The following RARB variants were observed in gnomAD, a reference collection of about 807,000 sequenced individuals.
RARB encodes HBV-activated protein.
A neutral mutation model predicts 51.9 loss-of-function variants in RARB; 17 were observed. The ratio of observed to expected loss-of-function variants is 0.33; its 90% confidence interval spans 0.22 to 0.49. The LOEUF is 0.49. RARB is among the 20% of genes least tolerant of loss of function. The pLI, the probability that RARB is intolerant of heterozygous loss-of-function variation, is 0.99. For missense variants in RARB, 369 were observed against 550.8 expected (o/e 0.67, Z 3.30); for synonymous variants, 215 against 195.4 (o/e 1.10, Z -0.84).
intron 5 of RARB, among the ~76,000 whole-genome samples, chr3:25,205,258 G>A (rs1285040139): frequency 1.3e-5 from 2 of 152,182 alleles, no homozygotes; most frequent in Non-Finnish European, 2.9e-5. Flanking sequence ...TGTGCAGTTT[G>A]CTAAGACTGT....
chr3:24,942,851 A>G lies in RARB; in HGVS notation c.-380+84099A>G, dbSNP rs138885649. Among the ~76,000 whole-genome samples, 295 of 152,316 alleles carry G rather than the reference A, an allele frequency of 1.9e-3. 1 individual carries two copies. Among genetic ancestry groups the G allele is most frequent in the African/African-American group, 6.2e-3 (259 of 41,578 alleles). ...ATATCTGAATTCATAAGATTTCACA[A>G]AATCATCTAAAACCTGGCTCCATCA... On this transcript the variant is annotated intron_variant, in intron 2 of 11. Coordinates refer to the RARB transcript ENST00000383772.
intron 2 of RARB, among the ~76,000 whole-genome samples, chr3:24,908,478 C>A (rs896698243): frequency 3.3e-5 from 5 of 152,030 alleles, no homozygotes; most frequent in Non-Finnish European, 7.4e-5. Flanking sequence ...GGATCTTCTC[C>A]TTGATAAGAC....
intron 2 of RARB, among the ~76,000 whole-genome samples, chr3:25,059,165 T>C (rs952469723): frequency 1.3e-5 from 2 of 151,854 alleles, no homozygotes; most frequent in Non-Finnish European, 2.9e-5. Flanking sequence ...AATATAATTT[T>C]AGTGGCTGCA....
chr3:25,313,850 G>A (rs1414284238), intron 5 of RARB, among the ~76,000 whole-genome samples: 2 of 152,038 alleles, frequency 1.3e-5, no homozygotes, highest in Admixed American at 6.6e-5. Context: ...CAGAAAGATC[G>A]CTTGAGCCCA....
chr3:25,508,641 T>G (rs1284865705), intron 3 of RARB, among the ~76,000 whole-genome samples: 1 of 152,182 alleles, frequency 6.6e-6, no homozygotes. Flanking sequence ...CCGTGTTAGA[T>G]CCCAGCCTGT....
intron 2 of RARB, among the ~76,000 whole-genome samples, chr3:24,957,527 A>T (rs145183076): frequency 2.5e-3 from 375 of 152,290 alleles, no homozygotes; most frequent in African/African-American, 8.6e-3. Context: ...ACACAACCAG[A>T]ATTGTGAAGA....
chr3:24,955,022 G>T (rs1695979749), intron 2 of RARB, among the ~76,000 whole-genome samples: 1 of 152,166 alleles, frequency 6.6e-6, no homozygotes, highest in South Asian at 2.1e-4. Context: ...GAGTCAGGGT[G>T]GCAGCCTTTT....
At chr3:24,907,070 A>G (rs1036801272) in intron 2 of RARB, among the ~76,000 whole-genome samples, 4 of 152,246 alleles carry the variant, frequency 2.6e-5, no homozygotes, top group East Asian at 3.9e-4. Flanking sequence ...TGTCCATTCA[A>G]TCAGCCAATA....
At chr3:25,595,322 A>T (rs542679825) in intron 7 of RARB, among the ~76,000 whole-genome samples, 1 of 152,284 alleles carries the variant, frequency 6.6e-6, no homozygotes, top group South Asian at 2.1e-4. Flanking sequence ...TCCCCATCAG[A>T]CTACTTACTC....
At chr3:24,923,277 C>A (rs977799315) in intron 2 of RARB, among the ~76,000 whole-genome samples, 1 of 149,862 alleles carries the variant, frequency 6.7e-6, no homozygotes, top group African/African-American at 2.5e-5. Flanking sequence ...AATGGCCCAG[C>A]TTAATTTGTC....
chr3:24,897,751 G>GTT (rs766821667), intron 2 of RARB, among the ~76,000 whole-genome samples: 4 of 72,906 alleles, frequency 5.5e-5, no homozygotes, highest in Non-Finnish European at 7.6e-5. Context: ...ATGCTCTGAG[G>GTT]CTTTTTTTTT....
chr3:25,181,520 G>T (rs1358845034), intron 5 of RARB, among the ~76,000 whole-genome samples: 1 of 152,150 alleles, frequency 6.6e-6, no homozygotes, highest in Non-Finnish European at 1.5e-5. Context: ...TAGAGATTTA[G>T]TGGGCAGAAG....
chr3:25,154,620 G>A (rs1438218679), intron 4 of RARB, among the ~76,000 whole-genome samples: 2 of 152,164 alleles, frequency 1.3e-5, no homozygotes, highest in Middle Eastern at 3.2e-3. Flanking sequence ...ACTCACCAGT[G>A]GGTACATGCA....
chr3:24,913,226 T>C lies in RARB; in HGVS notation c.-380+54474T>C, dbSNP rs950565728. Among the ~76,000 whole-genome samples the C allele has an allele frequency of 9.3e-5, 14 of 151,242 alleles. No homozygotes were observed. The East Asian group carries it at 1.7e-3, about 19-fold the overall frequency. ...GTCTCGATCTCCTGACCTCCTGATC[T>C]GCCCACCTTGGCCTCCCAAAGTGCT... On this transcript the variant is annotated intron_variant, in intron 2 of 11. Transcript: ENST00000383772.
At chr3:24,863,868 A>G (rs911353607) in intron 2 of RARB, among the ~76,000 whole-genome samples, 1 of 152,010 alleles carries the variant, frequency 6.6e-6, no homozygotes, top group Admixed American at 6.6e-5. Flanking sequence ...TTCTGTATCT[A>G]TGTTTCCATT....
intron 2 of RARB, among the ~76,000 whole-genome samples, chr3:24,919,714 C>G (rs541073185): frequency 6.6e-6 from 1 of 152,240 alleles, no homozygotes; most frequent in East Asian, 1.9e-4. Context: ...TAAAAGGACC[C>G]AGAACAATGT....
intron 2 of RARB, among the ~76,000 whole-genome samples, chr3:25,055,701 G>A (rs867014501): frequency 3.3e-5 from 5 of 152,180 alleles, no homozygotes; most frequent in Middle Eastern, 3.4e-3. Flanking sequence ...AGTAGCAAGC[G>A]TAGTTACATA....
intron 5 of RARB, among the ~76,000 whole-genome samples, chr3:25,257,525 G>A (rs930938721): frequency 1.3e-4 from 20 of 151,972 alleles, no homozygotes; most frequent in African/African-American, 3.9e-4. Flanking sequence ...ACTAGGGTGG[G>A]GCAGGTTTTG....
At chr3:25,030,577 C>G (rs1327201686) in intron 2 of RARB, among the ~76,000 whole-genome samples, 2 of 152,148 alleles carry the variant, frequency 1.3e-5, no homozygotes, top group African/African-American at 2.4e-5. Context: ...ATGCTTCTTC[C>G]TGGCAATTCT....
Sources: allele counts gnomAD v4.1 joint callset (sites outside exome capture counted in the v4.1 genomes callset), GRCh38; gene constraint gnomAD v4.1.1; transcripts MANE v1.5; gene names NCBI Gene and HGNC (gene_info 2026-07-23, HGNC 2026-07-21).